NEGR1: variants seen among roughly 807,000 people sequenced by gnomAD.
NEGR1 encodes the protein neuronal growth regulator 1, also known as IgLON family member 4.
In NEGR1, 10 loss-of-function variants were observed where a neutral mutation model predicts 40.9. The ratio of observed to expected loss-of-function variants is 0.24; its 90% CI spans 0.15 to 0.42. NEGR1 has a LOEUF of 0.42. Among genes scored for constraint, NEGR1 ranks in the 10% least tolerant of loss-of-function variants. The pLI is 1.00. For missense variants in NEGR1, 352 were observed against 438.9 expected, an observed-to-expected ratio of 0.80 and a Z score of 1.77; for synonymous variants, 185 against 166.8, an observed-to-expected ratio of 1.11 and a Z score of -0.84.
intron 6 of NEGR1, among the ~76,000 whole-genome samples, chr1:71,457,026 A>G (rs1646677525): frequency 6.6e-6 from 1 of 152,004 alleles, no homozygotes; most frequent in South Asian, 2.1e-4. Context: ...GTGTCTGTGG[A>G]AATATTATTA....
intron 1 of NEGR1, among the ~76,000 whole-genome samples, chr1:72,122,741 A>C (rs2100294361): frequency 6.6e-6 from 1 of 152,038 alleles, no homozygotes; most frequent in South Asian, 2.1e-4. Context: ...AAAGAATACT[A>C]ACATTTTTAA....
At chr1:71,762,650 A>G (rs908066699) in intron 3 of NEGR1, among the ~76,000 whole-genome samples, 3 of 152,186 alleles carry the variant, frequency 2.0e-5, no homozygotes, top group African/African-American at 4.8e-5. Context: ...TAACTGGGAA[A>G]GATCTCAAGG....
At chr1:71,799,914 G>GT (rs1207418310) in intron 2 of NEGR1, among the ~76,000 whole-genome samples, 3 of 151,998 alleles carry the variant, frequency 2.0e-5, no homozygotes, top group African/African-American at 7.2e-5. Context: ...GGGTTTCACC[G>GT]TATTAGCCAG....
chr1:71,770,749 G>A (rs2101711243), intron 3 of NEGR1, among the ~76,000 whole-genome samples: 1 of 152,276 alleles, frequency 6.6e-6, no homozygotes, highest in Middle Eastern at 3.4e-3. Context: ...ACCACAACGA[G>A]ATACCATTTC....
intron 6 of NEGR1, among the ~76,000 whole-genome samples, chr1:71,526,497 C>T (rs1427006725): frequency 6.6e-6 from 1 of 151,368 alleles, no homozygotes; most frequent in Non-Finnish European, 1.5e-5. Flanking sequence ...TTTGGCATGA[C>T]ATTTATGGTA....
At chr1:72,111,232 C>T (rs536642263) in intron 1 of NEGR1, among the ~76,000 whole-genome samples, 1 of 151,694 alleles carries the variant, frequency 6.6e-6, no homozygotes, top group South Asian at 2.1e-4. Flanking sequence ...TAGTCTTCTC[C>T]TCTCTACAGT....
At chr1:72,221,116 A>C (rs1237905414) in intron 1 of NEGR1, among the ~76,000 whole-genome samples, 4 of 152,042 alleles carry the variant, frequency 2.6e-5, no homozygotes, top group Admixed American at 2.6e-4. Context: ...CGCCATTCTC[A>C]TATCTTCCTA....
chr1:72,279,099 T>C (rs1656160082), intron 1 of NEGR1, among the ~76,000 whole-genome samples: 2 of 152,060 alleles, frequency 1.3e-5, no homozygotes, highest in African/African-American at 4.8e-5. Context: ...AAAGACAAAG[T>C]TAAAATGATA....
intron 1 of NEGR1, among the ~76,000 whole-genome samples, chr1:72,267,728 A>G (rs1655696354): frequency 6.6e-6 from 1 of 151,298 alleles, no homozygotes; most frequent in Admixed American, 6.6e-5. Context: ...CTTTGTTGGT[A>G]AAATAAAGCA....
intron 1 of NEGR1, among the ~76,000 whole-genome samples, chr1:72,255,386 G>A (rs1415035559): frequency 6.6e-6 from 1 of 152,068 alleles, no homozygotes; most frequent in Non-Finnish European, 1.5e-5. Flanking sequence ...CTGGTATATA[G>A]TAGTTGTTGA....
At chr1:71,675,782 GTTGT>G (rs1344452978) in intron 4 of NEGR1, among the ~76,000 whole-genome samples, 2 of 60,580 alleles carry the variant, frequency 3.3e-5, no homozygotes, top group Non-Finnish European at 7.1e-5. Context: ...TTTTGTTGTT[GTTGT>G]TTGTTTTTTG....
chr1:72,133,012 C>T (rs1650316140), intron 1 of NEGR1, among the ~76,000 whole-genome samples: 1 of 151,944 alleles, frequency 6.6e-6, no homozygotes, highest in African/African-American at 2.4e-5. Flanking sequence ...AATAATAAGA[C>T]ATTGAAACAA....
At chr1:71,700,047 T>C (rs1653632688) in intron 3 of NEGR1, among the ~76,000 whole-genome samples, 1 of 151,952 alleles carries the variant, frequency 6.6e-6, no homozygotes, top group Non-Finnish European at 1.5e-5. Flanking sequence ...AGCGAACTAA[T>C]ACAACAACAT....
intron 1 of NEGR1, among the ~76,000 whole-genome samples, chr1:72,061,539 A>G (rs1349625820): frequency 6.6e-6 from 1 of 151,792 alleles, no homozygotes; most frequent in Non-Finnish European, 1.5e-5. Flanking sequence ...CCCAGCACTT[A>G]GCATAATATC....
At chr1:71,900,634 T>A (rs1661118288) in intron 2 of NEGR1, among the ~76,000 whole-genome samples, 1 of 152,120 alleles carries the variant, frequency 6.6e-6, no homozygotes, top group African/African-American at 2.4e-5. Flanking sequence ...AAGGCTCCAA[T>A]TAACGTAGGA....
intron 6 of NEGR1, among the ~76,000 whole-genome samples, chr1:71,551,923 T>C (rs972836912): frequency 1.3e-5 from 2 of 151,650 alleles, no homozygotes; most frequent in Admixed American, 1.3e-4. Flanking sequence ...AAAACTTCTA[T>C]ATCTTTAATT....
chr1:71,569,854 A>C (rs1030647499), intron 6 of NEGR1, among the ~76,000 whole-genome samples: 1 of 152,196 alleles, frequency 6.6e-6, no homozygotes, highest in Non-Finnish European at 1.5e-5. Flanking sequence ...TTTAGAAAAG[A>C]TCAGACACAA....
intron 2 of NEGR1, among the ~76,000 whole-genome samples, chr1:71,804,550 C>T (rs955244099): frequency 1.3e-5 from 2 of 152,242 alleles, no homozygotes; most frequent in Non-Finnish European, 2.9e-5. Flanking sequence ...ATTAGTTCCC[C>T]AAATTAATAC....
chr1:72,106,423 G>T (rs912355666), intron 1 of NEGR1, among the ~76,000 whole-genome samples: 1 of 151,914 alleles, frequency 6.6e-6, no homozygotes, highest in African/African-American at 2.4e-5. Flanking sequence ...TCATAGGCAT[G>T]CCTCATTAAG....
Sources: gnomAD v4.1 joint callset for allele counts (sites outside exome capture counted in the v4.1 genomes callset) on GRCh38, gnomAD v4.1.1 for gene constraint, MANE v1.5 for transcripts, NCBI Gene and HGNC (gene_info 2026-07-23, HGNC 2026-07-21) for gene names.